PHF2: variants seen among roughly 807,000 people sequenced by gnomAD.
PHF2 encodes lysine-specific demethylase PHF2.
PHF2 carries 27 observed loss-of-function variants against 120.5 expected under a neutral mutation model. The observed-to-expected ratio is 0.22, with a 90% confidence interval of 0.17 to 0.31. PHF2 has a LOEUF of 0.31. Ranked by LOEUF, PHF2 falls within the 10% of genes least tolerant of loss-of-function variation. The pLI is 1.00. For missense variants in PHF2, 1,024 were observed against 1,434.8 expected, an observed-to-expected ratio of 0.71 and a Z score of 4.63; for synonymous variants, 568 against 592.5, an observed-to-expected ratio of 0.96 and a Z score of 0.60.
intron 1 of PHF2, among the ~76,000 whole-genome samples, chr9:93,615,852 C>T (rs937386578): frequency 6.6e-6 from 1 of 152,160 alleles, no homozygotes; most frequent in African/African-American, 2.4e-5. Flanking sequence ...TTCAGGAGGC[C>T]TTCTCTGCAG....
chr9:93,673,609 A>C lies in PHF2; in HGVS notation c.2373A>C (p.Thr791=), dbSNP rs377434686. The change falls in exon 18 of 22, where the codon ACA becomes ACC. Residue 791 remains threonine (T), a synonymous_variant. Transcript: ENST00000359246. ...PSSQPPASPS[T]QEAIQGMLSM... Reference sequence around the variant, plus strand: ...GCCAGCCCCCGGCCTCCCCCAGCACACAGGAAGCCATTCAGGGAATGCTGT... The same window carrying C: ...GCCAGCCCCCGGCCTCCCCCAGCACCCAGGAAGCCATTCAGGGAATGCTGT... The C allele has an allele frequency of 2.0e-5, 32 of 1,585,138 alleles. No homozygotes were observed. In the African/African-American group the frequency reaches 3.2e-4, roughly 16 times the overall value.
Position 93,677,745 on chromosome 9 carries a change from C to T in PHF2, c.*69C>T. ...GAGCCCCGCGAAAACATCTGCCTCC[C>T]AGGAGGGTGCCGAGCTGCCTCACCA... On this transcript the variant is annotated 3_prime_UTR_variant, in exon 22 of 22. Coordinates refer to ENST00000359246, the MANE Select transcript of PHF2 (RefSeq NM_005392.4). This position sits in a 1 kb window ranked among gnomAD's most constrained non-coding sequence, Gnocchi z 4.4. The T allele has an allele frequency of 1.7e-6, 2 of 1,208,928 alleles. No individual in the cohort carries two copies. Among genetic ancestry groups the T allele is most frequent in the African/African-American group, 3.0e-5 (2 of 66,596 alleles). The allele number at this position is 1,208,928 out of a possible 1,614,324, so 74.9% of individuals were successfully genotyped here.
At chr9:93,629,379 C>T (rs1435090714) in intron 1 of PHF2, among the ~76,000 whole-genome samples, 1 of 152,172 alleles carries the variant, frequency 6.6e-6, no homozygotes, top group East Asian at 1.9e-4. Flanking sequence ...GTGGCTCTCT[C>T]TTGTTCTAAG....
rs1226166532 is a variant in PHF2, at chr9:93,676,821, C to G, written c.3060C>G (p.Ser1020Arg). The change falls in exon 21 of 22, where the codon AGC (serine) becomes AGG (arginine). Residue 1020 changes from serine to arginine, a missense_variant. Physicochemically the swap from Ser to Arg is moderately radical, Grantham distance 110. Around this residue, in one of 2 missense-constraint regions of PHF2, gnomAD observed 677 missense variants for 857.4 expected, o/e 0.79. Transcript: ENST00000359246. ...PEPPPESHSS[S>R]LADHEYTAAG... ...CCCCGCCTGAGTCGCATAGCAGCAG[C>G]CTGGCGGACCATGAGTACACAGCCG... 7 of 1,556,456 alleles carry G rather than the reference C, an allele frequency of 4.5e-6. No individual in the cohort carries two copies. The highest frequency in any genetic ancestry group is 5.2e-6 in the Non-Finnish European group (6 of 1,149,730).
At chr9:93,628,369 TG>T (rs1207605034) in intron 1 of PHF2, among the ~76,000 whole-genome samples, 2 of 152,200 alleles carry the variant, frequency 1.3e-5, no homozygotes, top group Admixed American at 1.3e-4. Flanking sequence ...ATTTTCTTTT[TG>T]GGGGAGGTTT....
chr9:93,600,136 ATG>A (rs1405789898), intron 1 of PHF2, among the ~76,000 whole-genome samples: 4 of 151,316 alleles, frequency 2.6e-5, no homozygotes, highest in Admixed American at 6.6e-5. Flanking sequence ...TATGTGTGTA[ATG>A]TGTGTGAATG....
intron 1 of PHF2, among the ~76,000 whole-genome samples, chr9:93,577,654 C>T (rs1862853404): frequency 6.6e-6 from 1 of 152,200 alleles, no homozygotes; most frequent in Admixed American, 6.5e-5. Context: ...CCTCTCCGTT[C>T]CCGGCAGGAA....
intron 1 of PHF2, among the ~76,000 whole-genome samples, chr9:93,592,732 G>T (rs1341762860): frequency 6.6e-6 from 1 of 152,162 alleles, no homozygotes; most frequent in African/African-American, 2.4e-5. Context: ...GCCAGGTTGT[G>T]TCCCTGTTTT....
intron 13 of PHF2, 35 bp from the exon 14 acceptor site, chr9:93,663,482 T>C (rs1564399823): frequency 3.0e-6 from 4 of 1,328,728 alleles, no homozygotes. Flanking sequence ...CACTTCTGTG[T>C]GGGGCTCAGG....
intron 1 of PHF2, among the ~76,000 whole-genome samples, chr9:93,594,266 AGGGCCCCTGT>A (rs1369804136): frequency 6.6e-6 from 1 of 150,666 alleles, no homozygotes; most frequent in East Asian, 2.0e-4. Flanking sequence ...GAGCTACCCG[AGGGCCCCTGT>A]GGGTGGACAG....
intron 4 of PHF2, among the ~76,000 whole-genome samples, chr9:93,646,482 C>T (rs1017221521): frequency 2.0e-4 from 31 of 152,130 alleles, no homozygotes; most frequent in African/African-American, 7.2e-4. Flanking sequence ...GTGGCTGGCA[C>T]GAGGAGGAAA....
At chr9:93,603,964 G>A (rs1351088485) in intron 1 of PHF2, among the ~76,000 whole-genome samples, 1 of 152,222 alleles carries the variant, frequency 6.6e-6, no homozygotes, top group Non-Finnish European at 1.5e-5. Flanking sequence ...GCCTGGTTCT[G>A]GCCCCAGCAG....
intron 1 of PHF2, among the ~76,000 whole-genome samples, chr9:93,609,488 C>T (rs1825598701): frequency 6.6e-6 from 1 of 151,054 alleles, no homozygotes; most frequent in Non-Finnish European, 1.5e-5. Context: ...TGTTGTTTGT[C>T]TGATAGACTT....
At chr9:93,603,640 G>A (rs539185540) in intron 1 of PHF2, among the ~76,000 whole-genome samples, 2 of 152,234 alleles carry the variant, frequency 1.3e-5, no homozygotes, top group South Asian at 4.1e-4. Context: ...ATTCAAGGGG[G>A]ATCTGACCTC....
chr9:93,600,859 G>A (rs1026687779), intron 1 of PHF2, among the ~76,000 whole-genome samples: 4 of 152,236 alleles, frequency 2.6e-5, no homozygotes, highest in African/African-American at 9.6e-5. Flanking sequence ...GACTGGACCA[G>A]ATCTGGTGTG....
At position 93,640,200 on chromosome 9, in the gene PHF2, C is replaced by CCG. The variant is rs148866101; in HGVS notation, c.299+3675_299+3676insCG. Among the ~76,000 whole-genome samples, 603 of 152,064 alleles carry CCG rather than the reference C, an allele frequency of 4.0e-3. 5 individuals are homozygous for CCG. The highest frequency in any genetic ancestry group is 0.014 in the African/African-American group (566 of 41,468). On this transcript the variant is annotated intron_variant, in intron 3 of 21. Coordinates refer to ENST00000359246, the MANE Select transcript of PHF2 (RefSeq NM_005392.4). ...TTTATCCTCCTTTATGTGGTCTAAG[C>CCG]TTTTTGGATCTTTGGTTTCATGTCT...
At chr9:93,649,967 CAT>C (rs1262852279) in intron 5 of PHF2, among the ~76,000 whole-genome samples, 1 of 152,056 alleles carries the variant, frequency 6.6e-6, no homozygotes, top group Non-Finnish European at 1.5e-5. Context: ...CATGGACACA[CAT>C]GACACACACT....
chr9:93,589,683 G>A (rs1863132103), intron 1 of PHF2, among the ~76,000 whole-genome samples: 1 of 152,116 alleles, frequency 6.6e-6, no homozygotes, highest in African/African-American at 2.4e-5. Context: ...AATTTATTTT[G>A]CAAACAGAAC....
At chr9:93,645,029 C>T (rs1587702574) in intron 3 of PHF2, among the ~76,000 whole-genome samples, 1 of 152,264 alleles carries the variant, frequency 6.6e-6, no homozygotes, top group South Asian at 2.1e-4. Flanking sequence ...GGCCCTGCCC[C>T]TCTGCTGCTT....
Sources: allele counts gnomAD v4.1 joint callset (sites outside exome capture counted in the v4.1 genomes callset), GRCh38; gene constraint gnomAD v4.1.1; regional missense constraint gnomAD v4.1.1; non-coding constraint Gnocchi (gnomAD v3.1); transcripts MANE v1.5; gene names NCBI Gene and HGNC (gene_info 2026-07-23, HGNC 2026-07-21).